The following IGFL2 variants were observed in gnomAD, a reference collection of about 807,000 sequenced individuals.
The protein encoded by IGFL2 is insulin growth factor-like family member 2.
In IGFL2, 7 loss-of-function variants were observed where a neutral mutation model predicts 13.9. The ratio of observed to expected loss-of-function variants is 0.51; its 90% confidence interval spans 0.29 to 0.95. IGFL2 has a LOEUF of 0.95. Ranked by LOEUF, IGFL2 falls within the 40% of genes least tolerant of loss-of-function variation. The pLI is 0.08. For missense variants in IGFL2, 138 were observed against 147.8 expected (o/e 0.93, Z 0.34); for synonymous variants, 55 against 55.8 (o/e 0.99, Z 0.07).
At chr19:46,195,853 G>A in the IGFL2 span, 1 of 152,264 alleles carries the variant, frequency 6.6e-6, no homozygotes, top group Non-Finnish European at 1.5e-5. Flanking sequence ...AAGGGGACCA[G>A]GTCATGGAGC....
chr19:46,089,898 C>T, the IGFL2 span, among the ~76,000 whole-genome samples: 1 of 151,990 alleles, frequency 6.6e-6, no homozygotes, highest in Admixed American at 6.6e-5. Context: ...ACATCTTTCT[C>T]CAGGTTTGGA....
At chr19:46,134,999 T>G in the IGFL2 span, among the ~76,000 whole-genome samples, 1 of 152,170 alleles carries the variant, frequency 6.6e-6, no homozygotes, top group East Asian at 1.9e-4. Flanking sequence ...GCATCCTGAT[T>G]ATCTCTTTAA....
chr19:46,119,741 C>T, the IGFL2 span, among the ~76,000 whole-genome samples: 1 of 146,656 alleles, frequency 6.8e-6, no homozygotes, highest in African/African-American at 2.6e-5. Flanking sequence ...AGACTTGTGA[C>T]AGAGGTGCCT....
the IGFL2 span, chr19:46,120,232 C>T: frequency 2.6e-6 from 4 of 1,558,078 alleles, no homozygotes; most frequent in Non-Finnish European, 3.5e-6. Flanking sequence ...CCTCTGAAGT[C>T]AAGTTGCTTC....
Position 46,151,090 on chromosome 19 carries a change from A to G in IGFL2, c.19+2793A>G, listed in dbSNP as rs533044022. On this transcript the variant is annotated intron_variant, in intron 1 of 3. Coordinates refer to ENST00000377693, the MANE Select transcript of IGFL2 (RefSeq NM_001135113.2). ...CCCTGTTGCCCATCTGCCCACACCA[A>G]TCCTCTGGTAACTGCCCTTCTCTCT... 1.3e-3 allele frequency among the ~76,000 whole-genome samples: 202 copies of G among 152,168 alleles called. 3 individuals are homozygous for G. The Middle Eastern group carries it at 0.017, about 13-fold the overall frequency.
chr19:46,189,707 C>G, the IGFL2 span: 4 of 152,384 alleles, frequency 2.6e-5, no homozygotes, highest in Non-Finnish European at 5.9e-5. Flanking sequence ...GCTCCTATCT[C>G]TGTATGGCCT....
At chr19:46,168,738 C>G in the IGFL2 span, among the ~76,000 whole-genome samples, 1 of 152,220 alleles carries the variant, frequency 6.6e-6, no homozygotes, top group Non-Finnish European at 1.5e-5. Flanking sequence ...CAACTTGCAT[C>G]CATGATCCCA....
At chr19:46,148,997 T>G in intron 1 of IGFL2, 1 of 1,603,306 alleles carries the variant, frequency 6.2e-7, no homozygotes. Flanking sequence ...TGAGGTTCAG[T>G]GTCTCAGGCA....
At chr19:46,206,218 C>T in the IGFL2 span, among the ~76,000 whole-genome samples, 1 of 152,206 alleles carries the variant, frequency 6.6e-6, no homozygotes, top group African/African-American at 2.4e-5. Flanking sequence ...TCATCACCCA[C>T]TGCTGTTTTC....
At chr19:46,108,282 G>A in the IGFL2 span, among the ~76,000 whole-genome samples, 1 of 152,122 alleles carries the variant, frequency 6.6e-6, no homozygotes, top group Non-Finnish European at 1.5e-5. Context: ...AGACTAGGGA[G>A]GAACCGAGGT....
chr19:46,199,213 C>T, the IGFL2 span, among the ~76,000 whole-genome samples: 5 of 152,176 alleles, frequency 3.3e-5, no homozygotes, highest in African/African-American at 4.8e-5. Flanking sequence ...AGTGGGTCCT[C>T]GGACCGTGTC....
the IGFL2 span, among the ~76,000 whole-genome samples, chr19:46,132,973 A>G: frequency 6.6e-6 from 1 of 152,146 alleles, no homozygotes; most frequent in Non-Finnish European, 1.5e-5. Context: ...AAGTGACAGA[A>G]AAGTTAGGAA....
At chr19:46,129,826 T>C in the IGFL2 span, among the ~76,000 whole-genome samples, 1 of 152,288 alleles carries the variant, frequency 6.6e-6, no homozygotes. Context: ...GTGAGAAGAA[T>C]GTATATTCTA....
chr19:46,134,302 C>A, the IGFL2 span, among the ~76,000 whole-genome samples: 1 of 152,116 alleles, frequency 6.6e-6, no homozygotes, highest in Non-Finnish European at 1.5e-5. Context: ...AGTCCCTAAC[C>A]TTTTTGGCTC....
the IGFL2 span, chr19:46,203,045 C>T: frequency 2.0e-5 from 3 of 152,220 alleles, no homozygotes; most frequent in Admixed American, 2.0e-4. Flanking sequence ...GTTTATTTTA[C>T]TTGGGTGCAA....
chr19:46,081,841 C>T, the IGFL2 span, among the ~76,000 whole-genome samples: 69 of 152,344 alleles, frequency 4.5e-4, no homozygotes, highest in Admixed American at 3.1e-3. Context: ...TCTAAGGGCT[C>T]ACCCTGTAAA....
chr19:46,117,026 G>C, the IGFL2 span, among the ~76,000 whole-genome samples: 1 of 152,008 alleles, frequency 6.6e-6, no homozygotes, highest in South Asian at 2.1e-4. Flanking sequence ...TAATTGATTG[G>C]AGTAAAAGTA....
the IGFL2 span, among the ~76,000 whole-genome samples, chr19:46,084,389 G>A: frequency 1.3e-5 from 2 of 152,242 alleles, no homozygotes; most frequent in African/African-American, 2.4e-5. Context: ...TGAAAGTGGG[G>A]TGTTGAAGTC....
the IGFL2 span, chr19:46,112,096 G>T: frequency 6.6e-6 from 1 of 152,200 alleles, no homozygotes; most frequent in Non-Finnish European, 1.5e-5. Context: ...CTTTTATGAA[G>T]AATTATCCCT....
Sources: gnomAD v4.1 joint callset for allele counts (sites outside exome capture counted in the v4.1 genomes callset) on GRCh38, gnomAD v4.1.1 for gene constraint, MANE v1.5 for transcripts, NCBI Gene and HGNC (gene_info 2026-07-23, HGNC 2026-07-21) for gene names.